Variants in CFDP1 observed in about 807,000 individuals in gnomAD.
CFDP1 encodes the protein heterochromatin-stabilizing protein CFDP1.
A neutral mutation model predicts 40.1 loss-of-function variants in CFDP1; 31 were observed. The ratio of observed to expected loss-of-function variants is 0.77; its 90% CI spans 0.58 to 1.04. The LOEUF (loss-of-function observed/expected upper bound fraction) is 1.04. Among genes scored for constraint, CFDP1 ranks in the 50% least tolerant of loss-of-function variants. The pLI is 0.00. For missense variants in CFDP1, 423 were observed against 343.4 expected, an observed-to-expected ratio of 1.23 and a Z score of -1.83; for synonymous variants, 167 against 120.0, an observed-to-expected ratio of 1.39 and a Z score of -2.56.
chr16:75,366,776 G>A (rs2078716985), intron 5 of CFDP1, among the ~76,000 whole-genome samples: 1 of 152,196 alleles, frequency 6.6e-6, no homozygotes, highest in South Asian at 2.1e-4. Flanking sequence ...GAAGATGGGA[G>A]CAGGAATTGA....
chr16:75,367,159 C>T (rs1368462788), intron 5 of CFDP1, among the ~76,000 whole-genome samples: 2 of 101,914 alleles, frequency 2.0e-5, no homozygotes, highest in Admixed American at 2.3e-4. Flanking sequence ...AACGAGACTC[C>T]ATCTCAAAAA....
At position 75,412,053 on chromosome 16, in the gene CFDP1, T is replaced by C. The variant is rs2079167910; in HGVS notation, c.403-101A>G. On this transcript the variant is annotated intron_variant, in intron 3 of 6. Transcript: ENST00000283882. The stretch of plus-strand genomic sequence containing the variant: ...TTCTTTGAGATAGCGTCTCACTCTG[T>C]AGCCCAAGCTGGAGTGCAGTAACAC... 5 of 1,239,068 alleles carry C rather than the reference T, an allele frequency of 4.0e-6. No homozygotes were observed. In the South Asian group the frequency reaches 6.4e-5, roughly 16 times the overall value. 76.8% of individuals were successfully genotyped at this position (1,239,068 alleles called of 1,614,324 possible).
At chr16:75,411,450 G>C (rs1444096289) in intron 4 of CFDP1, among the ~76,000 whole-genome samples, 4 of 152,008 alleles carry the variant, frequency 2.6e-5, no homozygotes, top group Non-Finnish European at 5.9e-5. Flanking sequence ...TTCTCTCCTT[G>C]TATTTTCAAT....
chr16:75,316,861 C>T (rs541782737), intron 5 of CFDP1, among the ~76,000 whole-genome samples: 17 of 152,008 alleles, frequency 1.1e-4, no homozygotes, highest in East Asian at 3.9e-4. Context: ...CCCAGCTACT[C>T]GGGAGGCTAC....
intron 5 of CFDP1, among the ~76,000 whole-genome samples, chr16:75,392,698 A>C (rs2078962256): frequency 6.6e-6 from 1 of 152,164 alleles, no homozygotes; most frequent in African/African-American, 2.4e-5. Context: ...GGGTTTCACC[A>C]TGTTGGCCAG....
intron 5 of CFDP1, among the ~76,000 whole-genome samples, chr16:75,374,535 G>T (rs2078777358): frequency 6.6e-6 from 1 of 151,636 alleles, no homozygotes; most frequent in Non-Finnish European, 1.5e-5. Flanking sequence ...AAATAAAATG[G>T]GCGGGGCATA....
At chr16:75,432,409 G>A (rs1013745159) in intron 1 of CFDP1, among the ~76,000 whole-genome samples, 9 of 145,006 alleles carry the variant, frequency 6.2e-5, no homozygotes, top group Admixed American at 2.0e-4. Context: ...AAAATTAGCG[G>A]GCGTGGCAGC....
chr16:75,304,481 C>T (rs548168193), intron 6 of CFDP1, among the ~76,000 whole-genome samples: 3 of 152,098 alleles, frequency 2.0e-5, no homozygotes, highest in African/African-American at 2.4e-5. Context: ...TATTCCACAG[C>T]GAAGAGAAAG....
intron 4 of CFDP1, 43 bp downstream of exon 4, chr16:75,411,782 T>A: frequency 1.3e-6 from 2 of 1,582,858 alleles, no homozygotes; most frequent in South Asian, 2.3e-5. Context: ...GAGACGCTCA[T>A]TTTTGAAAAT....
chr16:75,316,964 A>C (rs868364445), intron 5 of CFDP1, among the ~76,000 whole-genome samples: 115 of 152,270 alleles, frequency 7.6e-4, no homozygotes, highest in African/African-American at 2.6e-3. Context: ...CTGGGCGACA[A>C]GAGTGAAAAC....
chr16:75,308,586 A>G (rs961870548), intron 5 of CFDP1, among the ~76,000 whole-genome samples: 1 of 152,230 alleles, frequency 6.6e-6, no homozygotes, highest in Non-Finnish European at 1.5e-5. Flanking sequence ...TGGATTACAG[A>G]ACCAATTCAT....
intron 5 of CFDP1, chr16:75,394,643 A>G (rs2078980800): frequency 6.7e-6 from 1 of 148,736 alleles, no homozygotes; most frequent in South Asian, 2.1e-4. Context: ...AGAAAGCTAC[A>G]ACTAATTTTC....
chr16:75,412,219 A>T (rs1255280027), intron 3 of CFDP1, among the ~76,000 whole-genome samples: 1 of 152,164 alleles, frequency 6.6e-6, no homozygotes, highest in Non-Finnish European at 1.5e-5. Flanking sequence ...GGATTTCGCC[A>T]TGTTGGCCAG....
intron 5 of CFDP1, among the ~76,000 whole-genome samples, chr16:75,365,864 T>C (rs2078710085): frequency 1.3e-5 from 2 of 152,160 alleles, no homozygotes; most frequent in Non-Finnish European, 2.9e-5. Context: ...ACCCATCTGC[T>C]AGATCAAAAA....
At chr16:75,405,355 T>A (rs1030535519) in intron 4 of CFDP1, among the ~76,000 whole-genome samples, 2 of 152,174 alleles carry the variant, frequency 1.3e-5, no homozygotes, top group African/African-American at 4.8e-5. Flanking sequence ...GTGCCAGGCA[T>A]GATGACTCAT....
At chr16:75,335,554 ATT>A (rs71380718) in intron 5 of CFDP1, among the ~76,000 whole-genome samples, 37 of 121,336 alleles carry the variant, frequency 3.0e-4, no homozygotes, top group Middle Eastern at 4.1e-3. Flanking sequence ...ACAAATCTCC[ATT>A]TTTTTTTTTT....
At chr16:75,387,810 AC>A (rs919300776) in intron 5 of CFDP1, among the ~76,000 whole-genome samples, 1 of 152,226 alleles carries the variant, frequency 6.6e-6, no homozygotes, top group Non-Finnish European at 1.5e-5. Flanking sequence ...GTACAAACAT[AC>A]CTGGAACTTA....
rs1009919886 is a variant in CFDP1, at chr16:75,395,120, G to A, written c.620C>T (p.Ser207Leu). Residue 207 changes from serine (S) to leucine (L), a missense_variant, in exon 5 of 7, where the codon TCA becomes TTA. Coordinates refer to ENST00000283882, the MANE Select transcript of CFDP1 (RefSeq NM_006324.3). ...CCCGGCAGGGAGTGATGGCAGAGCT[G>A]AAGGAACATTAGCCTGTGGTTTTTC... ...EKEKPQANVP[S>L]ALPSLPAGSG... The A allele has an allele frequency of 2.5e-6, 4 of 1,613,848 alleles. No homozygotes were observed. Among genetic ancestry groups the A allele is most frequent in the Admixed American group, 3.3e-5 (2 of 59,988 alleles).
chr16:75,366,071 C>T (rs2078711692), intron 5 of CFDP1, among the ~76,000 whole-genome samples: 1 of 152,150 alleles, frequency 6.6e-6, no homozygotes, highest in African/African-American at 2.4e-5. Context: ...CACATAAAGA[C>T]CTGTACACAA....
Sources: allele counts gnomAD v4.1 joint callset (sites outside exome capture counted in the v4.1 genomes callset), GRCh38; gene constraint gnomAD v4.1.1; transcripts MANE v1.5; gene names NCBI Gene and HGNC (gene_info 2026-07-23, HGNC 2026-07-21).